The following HYCC2 variants were observed in gnomAD, a reference collection of about 807,000 sequenced individuals.
The protein encoded by HYCC2 is hyccin 2.
chr2:201,042,327 C>A, the HYCC2 span, among the ~76,000 whole-genome samples: 3 of 152,204 alleles, frequency 2.0e-5, no homozygotes, highest in African/African-American at 7.2e-5. Flanking sequence ...TCCCAGCCGC[C>A]TGCCTTGGCC....
chr2:200,984,550 AC>A, the HYCC2 span, among the ~76,000 whole-genome samples: 4 of 152,242 alleles, frequency 2.6e-5, no homozygotes, highest in Admixed American at 2.6e-4. Flanking sequence ...GTTCAGAATT[AC>A]CAAGACTTTT....
the HYCC2 span, among the ~76,000 whole-genome samples, chr2:201,060,424 G>GT: frequency 6.6e-6 from 1 of 152,104 alleles, no homozygotes; most frequent in Non-Finnish European, 1.5e-5. Flanking sequence ...TTCTAGAGAG[G>GT]TTTTTTTAAA....
the HYCC2 span, chr2:200,981,574 C>T: frequency 6.2e-7 from 1 of 1,614,078 alleles, no homozygotes; most frequent in African/African-American, 1.3e-5. The surrounding 1 kb of genome is among the most constrained non-coding windows in gnomAD (Gnocchi z 4.5). Context: ...AGCAGGCAGG[C>T]TCAGGTGTTT....
At chr2:201,017,054 T>A in the HYCC2 span, 1 of 1,614,128 alleles carries the variant, frequency 6.2e-7, no homozygotes, top group Non-Finnish European at 8.5e-7. Context: ...CTCGGCTAAC[T>A]GTAAGCCGTA....
chr2:201,033,149 A>ATG, the HYCC2 span, among the ~76,000 whole-genome samples: 63 of 114,842 alleles, frequency 5.5e-4, no homozygotes, highest in African/African-American at 1.5e-3. Flanking sequence ...AGCTATTTGT[A>ATG]TGTGTGTGTA....
the HYCC2 span, among the ~76,000 whole-genome samples, chr2:201,005,560 T>C: frequency 6.6e-6 from 1 of 152,248 alleles, no homozygotes; most frequent in Non-Finnish European, 1.5e-5. Context: ...GGCTAGGCTA[T>C]GCCTTCATTC....
chr2:201,041,785 C>CAT, the HYCC2 span, among the ~76,000 whole-genome samples: 1 of 152,188 alleles, frequency 6.6e-6, no homozygotes, highest in Admixed American at 6.5e-5. Context: ...ACTTAAAAAA[C>CAT]ATATATATAG....
chr2:201,010,873 G>A, the HYCC2 span, among the ~76,000 whole-genome samples: 6 of 151,808 alleles, frequency 4.0e-5, no homozygotes, highest in African/African-American at 1.2e-4. Context: ...AGAGTCAGGC[G>A]TGGTGGCTCA....
the HYCC2 span, among the ~76,000 whole-genome samples, chr2:201,025,247 C>T: frequency 2.0e-5 from 3 of 151,978 alleles, no homozygotes; most frequent in African/African-American, 7.2e-5. Flanking sequence ...AGGCAGCTGC[C>T]GAAAAGCTAA....
chr2:201,038,435 C>T, the HYCC2 span, among the ~76,000 whole-genome samples: 1 of 152,160 alleles, frequency 6.6e-6, no homozygotes, highest in African/African-American at 2.4e-5. Context: ...TATAAAGACA[C>T]ATTCACATGT....
the HYCC2 span, among the ~76,000 whole-genome samples, chr2:201,039,488 G>A: frequency 6.6e-6 from 1 of 152,156 alleles, no homozygotes; most frequent in Admixed American, 6.5e-5. Context: ...ACAAGTAGAT[G>A]TTGTCCCAGA....
chr2:201,071,195 C>G, the HYCC2 span, among the ~76,000 whole-genome samples: 1 of 152,238 alleles, frequency 6.6e-6, no homozygotes, highest in Admixed American at 6.5e-5. Context: ...CTCACCACCC[C>G]CAGGAAATGG....
the HYCC2 span, among the ~76,000 whole-genome samples, chr2:201,000,057 C>CAAA: frequency 0.02 from 682 of 34,746 alleles, 28 homozygotes; most frequent in African/African-American, 0.075. Context: ...GACTCCGTCT[C>CAAA]AAAAAAAAAA....
chr2:201,023,070 T>A, the HYCC2 span: 18 of 578,530 alleles, frequency 3.1e-5, no homozygotes, highest in Non-Finnish European at 5.0e-5. Context: ...AGAAATAGGC[T>A]GGGCACAGTG....
the HYCC2 span, chr2:200,976,202 C>T: frequency 2.0e-5 from 3 of 152,106 alleles, no homozygotes; most frequent in East Asian, 5.8e-4. Flanking sequence ...GAAAAAGTCT[C>T]ATGTTCAGAC....
At chr2:201,046,903 A>T in the HYCC2 span, among the ~76,000 whole-genome samples, 2 of 152,228 alleles carry the variant, frequency 1.3e-5, no homozygotes, top group African/African-American at 4.8e-5. Context: ...CACACAATTT[A>T]AAAATTACTA....
the HYCC2 span, chr2:201,009,079 T>C: frequency 1.9e-6 from 3 of 1,607,908 alleles, no homozygotes; most frequent in Non-Finnish European, 2.6e-6. Flanking sequence ...ATGGATCCAA[T>C]TGTTGAAGGC....
At chr2:201,017,225 G>GTT in the HYCC2 span, 4,974 of 1,047,412 alleles carry the variant, frequency 4.7e-3, no homozygotes, top group South Asian at 7.2e-3. Flanking sequence ...TGTAACTGTT[G>GTT]TTTTTTTTTT....
At chr2:201,054,639 C>G in the HYCC2 span, among the ~76,000 whole-genome samples, 1 of 152,044 alleles carries the variant, frequency 6.6e-6, no homozygotes, top group Non-Finnish European at 1.5e-5. Flanking sequence ...CAATTTACTC[C>G]CATTTAGTGA....
Sources: gnomAD v4.1 joint callset for allele counts (sites outside exome capture counted in the v4.1 genomes callset) on GRCh38, gnomAD v4.1.1 for gene constraint, Gnocchi (gnomAD v3.1) non-coding constraint, MANE v1.5 for transcripts, NCBI Gene and HGNC (gene_info 2026-07-23, HGNC 2026-07-21) for gene names.